The following MRPL10 variants were observed in gnomAD, a reference collection of about 807,000 sequenced individuals.
MRPL10 encodes the protein large ribosomal subunit protein uL10m.
A neutral mutation model predicts 19.8 loss-of-function variants in MRPL10; 14 were observed. The ratio of observed to expected loss-of-function variants is 0.71; its 90% CI spans 0.47 to 1.11. The LOEUF is 1.11. MRPL10 is among the 50% of genes least tolerant of loss of function. MRPL10 has a pLI of 0.00. For missense variants in MRPL10, 318 were observed against 339.6 expected (o/e 0.94, Z 0.50); for synonymous variants, 129 against 139.2 (o/e 0.93, Z 0.52).
chr17:47,827,317 T>C, intron 2 of MRPL10, 113 bp from the exon 3 acceptor site: 1 of 867,274 alleles, frequency 1.2e-6, no homozygotes, highest in Non-Finnish European at 1.8e-6. Context: ...GTGCAAAAGA[T>C]CGGGGAACAA....
chr17:47,826,452 G>A (rs1455616405), intron 4 of MRPL10, among the ~76,000 whole-genome samples, 185 bp downstream of exon 4: 1 of 152,160 alleles, frequency 6.6e-6, no homozygotes, highest in African/African-American at 2.4e-5. Flanking sequence ...GAAGTGACCT[G>A]GGGTAGTGAG....
rs1380110847 is a variant in MRPL10 at position 47,826,700 on chromosome 17, C to T, written c.469G>A (p.Glu157Lys). The part of the protein sequence containing the change: ...FVGHNMLLVS[E>K]EPKVKEMVRI... Reference sequence around the variant, plus strand: ...ACCATCTCCTTGACCTTGGGCTCTTCACTGACCAGCAGCATGTTGTGCCCC... The same window carrying T: ...ACCATCTCCTTGACCTTGGGCTCTTTACTGACCAGCAGCATGTTGTGCCCC... Residue 157 changes from glutamate (E) to lysine (K), a missense_variant, in exon 4 of 5, where the codon GAA becomes AAA. Coordinates refer to ENST00000351111, the MANE Select transcript of MRPL10 (RefSeq NM_145255.4). 3.7e-6 allele frequency: 6 copies of T among 1,614,226 alleles called. No homozygotes were observed. The South Asian group carries it at 5.5e-5, about 15-fold the overall frequency.
chr17:47,825,014 CAAAAAAAAAA>C (rs5820672), intron 4 of MRPL10, among the ~76,000 whole-genome samples: 2 of 75,598 alleles, frequency 2.6e-5, no homozygotes, highest in African/African-American at 5.9e-5. Context: ...AACTTCGTCT[CAAAAAAAAAA>C]AAAAAAAAAA....
chr17:47,825,574 A>G (rs999226616), intron 4 of MRPL10, among the ~76,000 whole-genome samples: 2 of 151,026 alleles, frequency 1.3e-5, no homozygotes, highest in African/African-American at 4.9e-5. Context: ...GCTGTGAGCC[A>G]TGACCGGACC....
Position 47,824,185 on chromosome 17 carries a change from G to T in MRPL10, c.*20C>A. The T allele has an allele frequency of 6.2e-7, 1 of 1,614,050 alleles. No homozygotes were observed. The highest frequency in any genetic ancestry group is 1.7e-5 in the Admixed American group (1 of 60,016). ...ATAACGCAGAGTGTATTTATGCGCA[G>T]GGCTGGCTAAACAGGCTGGCTACGA... is the stretch of plus-strand genomic sequence containing the variant. On this transcript the variant is annotated 3_prime_UTR_variant, in exon 5 of 5. Transcript: ENST00000351111.
Position 47,828,687 on chromosome 17 carries a change from C to T in MRPL10, c.53-17G>A. On this transcript the variant is annotated splice_polypyrimidine_tract_variant and intron_variant, in intron 1 of 4. Transcript: ENST00000351111. ...GCAGCCGGCCTGGGAGGGCATATAG[C>T]AACATGGTTAGAGGCAACCTCCTGG... 1 of 1,505,014 alleles carries T rather than the reference C, an allele frequency of 6.6e-7. No homozygotes were observed. Among genetic ancestry groups the T allele is most frequent in the Non-Finnish European group, 8.8e-7 (1 of 1,139,406 alleles). 93.2% of individuals were successfully genotyped at this position (1,505,014 alleles called of 1,614,324 possible).
chr17:47,829,894 C>CAAA (rs202029179), intron 1 of MRPL10, among the ~76,000 whole-genome samples: 1 of 135,982 alleles, frequency 7.4e-6, no homozygotes, highest in Non-Finnish European at 1.6e-5. Flanking sequence ...AAGACTGTCT[C>CAAA]AAAAAAAAAA....
intron 1 of MRPL10, among the ~76,000 whole-genome samples, chr17:47,829,998 T>C (rs890647129): frequency 6.6e-6 from 1 of 152,168 alleles, no homozygotes; most frequent in African/African-American, 2.4e-5. Context: ...GCAAATAGTG[T>C]TTTTTGTTTG....
chr17:47,827,861 C>T (rs1406284199), intron 2 of MRPL10, among the ~76,000 whole-genome samples: 1 of 121,068 alleles, frequency 8.3e-6, no homozygotes, highest in Non-Finnish European at 1.6e-5. Context: ...TGTCCCACTG[C>T]ACACCAACCT....
intron 1 of MRPL10, chr17:47,831,176 T>G: frequency 2.8e-6 from 2 of 704,966 alleles, no homozygotes; most frequent in African/African-American, 1.9e-5. Context: ...GGCTAAGGAG[T>G]CAAGGGAAGA....
intron 2 of MRPL10, among the ~76,000 whole-genome samples, chr17:47,827,954 C>T (rs1375283892): frequency 6.8e-6 from 1 of 147,864 alleles, no homozygotes; most frequent in African/African-American, 2.5e-5. Context: ...CCTGCAATCC[C>T]AGCACTTTGG....
intron 4 of MRPL10, among the ~76,000 whole-genome samples, chr17:47,825,068 C>G (rs943927307): frequency 4.7e-5 from 7 of 149,948 alleles, no homozygotes; most frequent in Non-Finnish European, 8.9e-5. Flanking sequence ...GTGGCTCAAG[C>G]CTGTAATCCC....
intron 2 of MRPL10, among the ~76,000 whole-genome samples, 168 bp from the exon 3 acceptor site, chr17:47,827,372 C>G (rs992750811): frequency 6.6e-6 from 1 of 152,140 alleles, no homozygotes; most frequent in Non-Finnish European, 1.5e-5. Flanking sequence ...GTAACATCTC[C>G]CACTACTCTA....
chr17:47,827,516 A>G (rs2033552918), intron 2 of MRPL10, among the ~76,000 whole-genome samples: 1 of 152,202 alleles, frequency 6.6e-6, no homozygotes, highest in Admixed American at 6.5e-5. Flanking sequence ...TATTGCTAAA[A>G]TTATTTCAAT....
At chr17:47,827,840 T>C (rs1044033053) in intron 2 of MRPL10, among the ~76,000 whole-genome samples, 1 of 124,434 alleles carries the variant, frequency 8.0e-6, no homozygotes, top group African/African-American at 3.1e-5. Context: ...GAGGTTGCGA[T>C]GAGCCAAGAG....
chr17:47,825,984 CGAA>C (rs1257372753), intron 4 of MRPL10, among the ~76,000 whole-genome samples: 10 of 124,024 alleles, frequency 8.1e-5, no homozygotes, highest in Non-Finnish European at 1.6e-4. Flanking sequence ...ACTAAAAATA[CGAA>C]AAAAAAAAAA....
rs544490400 is a variant in MRPL10 at position 47,823,986 on chromosome 17, C to T, written c.*219G>A. 9 of 598,812 alleles carry T rather than the reference C, an allele frequency of 1.5e-5. No individual in the cohort carries two copies. Among genetic ancestry groups the T allele is most frequent in the Admixed American group, 6.1e-5 (2 of 32,734 alleles). The allele number at this position is 598,812 out of a possible 1,614,324, so 37.1% of individuals were successfully genotyped here. On this transcript the variant is annotated 3_prime_UTR_variant, in exon 5 of 5. Transcript: ENST00000351111. ...GAATGGAGAGACTTTGCTCCTATCA[C>T]GTCCCAAGTTGGGAAAACTAAGGAC...
At chr17:47,827,894 CAA>C (rs60303077) in intron 2 of MRPL10, among the ~76,000 whole-genome samples, 2 of 45,716 alleles carry the variant, frequency 4.4e-5, no homozygotes, top group African/African-American at 2.0e-4. Flanking sequence ...CTCTGTCTCA[CAA>C]AAAAAAAAAA....
Position 47,824,253 on chromosome 17 carries a change from G to A in MRPL10, c.738C>T (p.Val246=). 1 of 1,614,190 alleles carries A rather than the reference G, an allele frequency of 6.2e-7. No homozygotes were observed. The highest frequency in any genetic ancestry group is 1.1e-5 in the South Asian group (1 of 91,086). ...GATCTGGCTTCCCATTGGCCGACAT[G>A]ACAGAATCCTTCTCGCGTTGCTCTC... ...YIREQREKDS[V]MSANGKPDPD... is the part of the protein sequence containing the mutation. Residue 246 remains valine, a synonymous_variant, in exon 5 of 5, where the codon GTC becomes GTT. Coordinates refer to ENST00000351111, the MANE Select transcript of MRPL10 (RefSeq NM_145255.4).
Sources: gnomAD v4.1 joint callset for allele counts (sites outside exome capture counted in the v4.1 genomes callset) on GRCh38, gnomAD v4.1.1 for gene constraint, MANE v1.5 for transcripts, NCBI Gene and HGNC (gene_info 2026-07-23, HGNC 2026-07-21) for gene names.